Variants in EIF4G3 observed in about 807,000 individuals in gnomAD.
The protein encoded by EIF4G3 is eIF-4-gamma 3.
A neutral mutation model predicts 186.4 loss-of-function variants in EIF4G3; 34 were observed. The ratio of observed to expected loss-of-function variants is 0.18; its 90% CI spans 0.14 to 0.24. The LOEUF is 0.24. Among genes scored for constraint, EIF4G3 ranks in the 10% least tolerant of loss-of-function variants. The pLI is 1.00. For missense variants in EIF4G3, 1,536 were observed against 1,948.5 expected (o/e 0.79, Z 3.99); for synonymous variants, 673 against 679.5 (o/e 0.99, Z 0.15).
At chr1:20,885,988 G>A (rs1008842398) in intron 19 of EIF4G3, among the ~76,000 whole-genome samples, 2 of 152,120 alleles carry the variant, frequency 1.3e-5, no homozygotes, top group Admixed American at 6.5e-5. Flanking sequence ...TCTAGACCTG[G>A]TAACTATTCT....
chr1:20,913,171 A>G (rs1261001607), intron 14 of EIF4G3, among the ~76,000 whole-genome samples: 1 of 152,142 alleles, frequency 6.6e-6, no homozygotes, highest in Admixed American at 6.5e-5. Flanking sequence ...CTCTATCACT[A>G]CTTCACAAAG....
At chr1:20,831,347 T>TA (rs1425788272) in intron 30 of EIF4G3, among the ~76,000 whole-genome samples, 1 of 144,260 alleles carries the variant, frequency 6.9e-6, no homozygotes, top group Non-Finnish European at 1.5e-5. Flanking sequence ...GGGATGGAGG[T>TA]AGAGGAAATA....
chr1:21,126,749 T>C lies in EIF4G3; in HGVS notation c.-271-37536A>G, dbSNP rs570830388. Among the ~76,000 whole-genome samples the C allele has an allele frequency of 1.9e-3, 291 of 152,090 alleles. 3 individuals carry two copies. The highest frequency in any genetic ancestry group is 3.1e-3 in the East Asian group (16 of 5,178). ...ATTAATAGAGATGGATCTAGGTCAA[T>C]TGATGAAGTACAGTTGTCCCTCTGT... On this transcript the variant is annotated intron_variant, in intron 2 of 36. Coordinates refer to ENST00000602326, the MANE Select transcript of EIF4G3 (RefSeq NM_001391906.1).
At position 20,941,982 on chromosome 1, in the gene EIF4G3, A is replaced by T. The variant is rs146369921; in HGVS notation, c.1172T>A (p.Ile391Lys). The T allele has an allele frequency of 3.3e-5, 54 of 1,614,148 alleles. 1 individual carries two copies. In the East Asian group the frequency reaches 1.2e-3, roughly 36 times the overall value. ...TGCTACACTACAGGGTTTCTTGCAT[A>T]TATCATCATCATTTTCATTTGTTGG... ...PLPTNENDDD[I>K]CKKPCSVAPN... Residue 391 changes from isoleucine (I) to lysine (K), a missense_variant, in exon 14 of 37, where the codon ATA (isoleucine) becomes AAA (lysine). Transcript: ENST00000602326.
At chr1:21,146,319 C>T (rs534422661) in intron 2 of EIF4G3, among the ~76,000 whole-genome samples, 1 of 152,060 alleles carries the variant, frequency 6.6e-6, no homozygotes, top group South Asian at 2.1e-4. Context: ...GCCATGGCTA[C>T]ACCACTGAAT....
intron 29 of EIF4G3, 78 bp from the exon 30 acceptor site, chr1:20,841,106 T>G: frequency 6.9e-7 from 1 of 1,459,060 alleles, no homozygotes; most frequent in East Asian, 2.3e-5. Context: ...TTAAAATCTT[T>G]TACTTACAAC....
intron 19 of EIF4G3, among the ~76,000 whole-genome samples, chr1:20,884,090 G>A (rs2083310828): frequency 6.6e-6 from 1 of 152,100 alleles, no homozygotes; most frequent in Non-Finnish European, 1.5e-5. Flanking sequence ...GGAACGTAAG[G>A]GAAGGCAACA....
chr1:20,862,163 C>T (rs907816922), intron 23 of EIF4G3, 65 bp downstream of exon 23: 1 of 986,058 alleles, frequency 1.0e-6, no homozygotes, highest in Admixed American at 2.3e-5. Context: ...GGACATCCTT[C>T]CCCAACCCAA....
At chr1:21,156,596 C>A (rs2097665397) in intron 2 of EIF4G3, among the ~76,000 whole-genome samples, 1 of 152,204 alleles carries the variant, frequency 6.6e-6, no homozygotes, top group East Asian at 1.9e-4. Flanking sequence ...ATCTTTCTTA[C>A]TCTATCAATG....
chr1:20,873,747 A>G (rs1437967094), intron 20 of EIF4G3, among the ~76,000 whole-genome samples: 1 of 147,058 alleles, frequency 6.8e-6, no homozygotes, highest in Non-Finnish European at 1.5e-5. Context: ...ACCACGAGAT[A>G]CAGGTGCAGG....
At chr1:21,149,397 G>A (rs2097514697) in intron 2 of EIF4G3, among the ~76,000 whole-genome samples, 1 of 151,962 alleles carries the variant, frequency 6.6e-6, no homozygotes, top group African/African-American at 2.4e-5. Context: ...TAGAGAAGGG[G>A]GGCTTTTCTG....
At chr1:20,940,671 AT>A (rs2095679128) in intron 14 of EIF4G3, among the ~76,000 whole-genome samples, 1 of 152,262 alleles carries the variant, frequency 6.6e-6, no homozygotes, top group Non-Finnish European at 1.5e-5. Flanking sequence ...AGGAAATTAT[AT>A]AGCATAGGGC....
At chr1:21,005,532 C>T (rs1358205814) in intron 4 of EIF4G3, among the ~76,000 whole-genome samples, 2 of 152,152 alleles carry the variant, frequency 1.3e-5, no homozygotes, top group African/African-American at 4.8e-5. Flanking sequence ...GAAAGGGAAT[C>T]CACTGTATTT....
chr1:20,836,590 TAAAGGTTCCAGA>T (rs2066829724), intron 30 of EIF4G3, among the ~76,000 whole-genome samples: 1 of 152,172 alleles, frequency 6.6e-6, no homozygotes, highest in Non-Finnish European at 1.5e-5. Context: ...TAAGCAGTAA[TAAAGGTTCCAGA>T]AAAGTATTCA....
intron 14 of EIF4G3, among the ~76,000 whole-genome samples, chr1:20,929,896 T>C (rs1309389088): frequency 6.6e-6 from 1 of 152,176 alleles, no homozygotes; most frequent in Admixed American, 6.5e-5. Flanking sequence ...ATTCAGATCC[T>C]ATGCCTGTGT....
intron 2 of EIF4G3, among the ~76,000 whole-genome samples, chr1:21,143,335 GGAA>G (rs970205670): frequency 6.7e-6 from 1 of 149,946 alleles, no homozygotes; most frequent in African/African-American, 2.5e-5. Flanking sequence ...GCAAAGGAAA[GGAA>G]GAAGGAGAAG....
intron 2 of EIF4G3, among the ~76,000 whole-genome samples, chr1:21,106,981 C>T (rs1392498977): frequency 2.0e-5 from 3 of 152,138 alleles, no homozygotes; most frequent in Non-Finnish European, 2.9e-5. Flanking sequence ...TTTTACACCA[C>T]GTGGGCTACT....
At chr1:21,021,851 C>T (rs776809377) in intron 4 of EIF4G3, among the ~76,000 whole-genome samples, 17 of 152,058 alleles carry the variant, frequency 1.1e-4, no homozygotes, top group Non-Finnish European at 1.6e-4. Context: ...CCACCGTGCC[C>T]GGCTCTGACA....
At chr1:20,975,623 ATAT>A (rs1001763562) in intron 10 of EIF4G3, among the ~76,000 whole-genome samples, 2 of 149,294 alleles carry the variant, frequency 1.3e-5, no homozygotes, top group African/African-American at 4.9e-5. Context: ...ATATAATAGT[ATAT>A]TATTATAAAT....
Sources: gnomAD v4.1 joint callset for allele counts (sites outside exome capture counted in the v4.1 genomes callset) on GRCh38, gnomAD v4.1.1 for gene constraint, MANE v1.5 for transcripts, NCBI Gene and HGNC (gene_info 2026-07-23, HGNC 2026-07-21) for gene names.